CRLF2: variants seen among roughly 807,000 people sequenced by gnomAD.
The protein encoded by CRLF2 is cytokine receptor like factor 2, also known as cytokine receptor-like factor 2.
CRLF2 carries 41 observed loss-of-function variants against 38.7 expected under a neutral mutation model. That is an observed-to-expected ratio of 1.06 (90% confidence interval 0.83 to 1.37). The LOEUF (loss-of-function observed/expected upper bound fraction) is 1.37. Ranked by LOEUF, CRLF2 falls within the 40% of genes most tolerant of loss-of-function variation. The pLI, the probability that CRLF2 is intolerant of heterozygous loss-of-function variation, is 0.00. For synonymous variants in CRLF2, 140 were observed against 128.8 expected, an observed-to-expected ratio of 1.09 and a Z score of -0.59; for missense variants, 377 against 322.2, an observed-to-expected ratio of 1.17 and a Z score of -1.30.
intron 3 of CRLF2, among the ~76,000 whole-genome samples, chrX:1,204,869 G>C (rs1196879336): frequency 9.2e-4 from 117 of 126,720 alleles, no homozygotes; most frequent in Middle Eastern, 5.8e-3. Flanking sequence ...GCCCAGGCTG[G>C]AGTGCAGTGG....
In CRLF2 at chrX:1,192,517, G is replaced by C. The variant is rs1168761423; in HGVS notation, c.852+701C>G. Among the ~76,000 whole-genome samples the C allele has an allele frequency of 3.3e-5, 5 of 152,158 alleles. No homozygotes were observed. The South Asian group carries it at 8.3e-4, about 25-fold the overall frequency. ...TGTCATCCCAGCTACTCAGGAGGCT[G>C]AGGCAGGAGAATCATTTGACCCTGG... On this transcript the variant is annotated intron_variant, in intron 7 of 7. Transcript: ENST00000400841.
chrX:1,206,942 C>CTTTT (rs766628411), intron 2 of CRLF2, among the ~76,000 whole-genome samples: 2 of 115,664 alleles, frequency 1.7e-5, no homozygotes, highest in East Asian at 2.6e-4. Flanking sequence ...ACCACACCGG[C>CTTTT]TTTTTTTTTT....
In CRLF2 at chrX:1,192,183, C is replaced by A. The variant is rs1422500082; in HGVS notation, c.853-1023G>T. Among the ~76,000 whole-genome samples the A allele has an allele frequency of 5.3e-3, 672 of 126,316 alleles. 33 individuals are homozygous for A. The East Asian group carries it at 0.12, about 23-fold the overall frequency. The allele number at this position is 126,316 out of a possible 152,430, so 82.9% of individuals were successfully genotyped here. A position where few individuals can be genotyped will look rare whatever the true frequency, so the allele number is the denominator to read the frequency against. ...TCCCGCCACTGCACTCCAGCCTGGG[C>A]GACAGAGCGAGACTCCGTCTCAAAA... On this transcript the variant is annotated intron_variant, in intron 7 of 7. Transcript: ENST00000400841.
At chrX:1,197,696 C>G (rs770978686) in intron 5 of CRLF2, among the ~76,000 whole-genome samples, 2 of 151,966 alleles carry the variant, frequency 1.3e-5, no homozygotes, top group East Asian at 3.9e-4. Context: ...TGCCTGTAGT[C>G]CCAGCTACTT....
chrX:1,193,313 G>A lies in CRLF2; in HGVS notation c.768-11C>T. 2 of 398,728 alleles carry A rather than the reference G, an allele frequency of 5.0e-6. No homozygotes were observed. The highest frequency in any genetic ancestry group is 4.4e-6 in the Non-Finnish European group (1 of 226,262). The allele number at this position is 398,728 out of a possible 1,614,324, so 24.7% of individuals were successfully genotyped here. ...AGAAACTTCTTCACTCTGAAATAGA[G>A]ACGGAGAGCGTGGTCAGGTCGGCCA... On this transcript the variant is annotated splice_polypyrimidine_tract_variant and intron_variant, in intron 6 of 7. Coordinates refer to ENST00000400841, the MANE Select transcript of CRLF2 (RefSeq NM_022148.4).
At chrX:1,201,264 CTGTG>C (rs1351395320) in intron 4 of CRLF2, among the ~76,000 whole-genome samples, 1 of 141,140 alleles carries the variant, frequency 7.1e-6, no homozygotes, top group South Asian at 2.3e-4. Flanking sequence ...CAGCACATGA[CTGTG>C]TGTGTGTGCC....
chrX:1,207,048 C>A (rs1358980093), intron 2 of CRLF2, among the ~76,000 whole-genome samples: 1 of 149,994 alleles, frequency 6.7e-6, no homozygotes, highest in Non-Finnish European at 1.5e-5. Flanking sequence ...CGGGTTCAAG[C>A]GATTCTCCTG....
chrX:1,201,882 T>C (rs2086614944), intron 4 of CRLF2, among the ~76,000 whole-genome samples: 1 of 151,428 alleles, frequency 6.6e-6, no homozygotes, highest in Middle Eastern at 3.5e-3. Context: ...CATACATAGA[T>C]AGATAAAAGA....
rs1246789675 is a variant in CRLF2 at position 1,193,111 on chromosome X, C to T, written c.852+107G>A. 193 of 395,696 alleles carry T rather than the reference C, an allele frequency of 4.9e-4. 2 individuals are homozygous for T. The highest frequency in any genetic ancestry group is 4.3e-4 in the Non-Finnish European group (96 of 224,330). 24.5% of individuals were successfully genotyped at this position (395,696 alleles called of 1,614,324 possible). A position where few individuals can be genotyped will look rare whatever the true frequency, so the allele number is the denominator to read the frequency against. On this transcript the variant is annotated intron_variant, in intron 7 of 7. Transcript: ENST00000400841. ...GACAGGCGTGAGCCACTGCGCCCGG[C>T]TGTTAATGTCATTCTCTAAAAAGGT...
chrX:1,191,941 T>G (rs1483379500), intron 7 of CRLF2, among the ~76,000 whole-genome samples: 3 of 151,606 alleles, frequency 2.0e-5, no homozygotes, highest in East Asian at 3.9e-4. Context: ...CGCAGTGGCT[T>G]ACACCTGTAA....
chrX:1,203,030 G>A (rs1411837923), intron 3 of CRLF2, among the ~76,000 whole-genome samples: 1 of 150,048 alleles, frequency 6.7e-6, no homozygotes, highest in African/African-American at 2.5e-5. Flanking sequence ...CCGGGGAGGC[G>A]GAGGTTGCGG....
chrX:1,195,288 G>A (rs1247587760), intron 6 of CRLF2, among the ~76,000 whole-genome samples: 10 of 152,062 alleles, frequency 6.6e-5, no homozygotes, highest in African/African-American at 9.7e-5. Context: ...ATATTGTTTC[G>A]TCTAGAACTC....
intron 6 of CRLF2, 145 bp downstream of exon 6, chrX:1,196,635 T>C (rs2086480675): frequency 9.1e-7 from 1 of 1,100,758 alleles, no homozygotes; most frequent in African/African-American, 1.6e-5. Flanking sequence ...CGAAATTTCT[T>C]ATAATCCACC....
intron 6 of CRLF2, among the ~76,000 whole-genome samples, chrX:1,195,986 T>TATATATAAATTAAA (rs2086468108): frequency 3.6e-5 from 5 of 138,800 alleles, no homozygotes; most frequent in Non-Finnish European, 4.6e-5. Flanking sequence ...ATATATATTT[T>TATATATAAATTAAA]TATATATTTA....
chrX:1,206,519 G>A lies in CRLF2; in HGVS notation c.263C>T (p.Ala88Val). Residue 88 changes from alanine (A) to valine (V), a missense_variant, in exon 3 of 8, where the codon GCA becomes GTA. By Grantham distance (64) the Ala-to-Val change is moderately conservative. Transcript: ENST00000400841. ...ATAGAGAATGTCGTCTCGCTGCTCT[G>A]CGTCTAGGAGGCACCCCGAAGTGTG... ...EGHTSGCLLD[A>V]EQRDDILYFS... 1 of 1,613,544 alleles carries A rather than the reference G, an allele frequency of 6.2e-7. No individual in the cohort carries two copies. The highest frequency in any genetic ancestry group is 8.5e-7 in the Non-Finnish European group (1 of 1,179,536).
intron 3 of CRLF2, 48 bp downstream of exon 3, chrX:1,206,385 C>T: frequency 6.5e-7 from 1 of 1,547,998 alleles, no homozygotes; most frequent in Non-Finnish European, 8.9e-7. Context: ...TGGTAATAAG[C>T]TGAAGGAAGT....
intron 3 of CRLF2, among the ~76,000 whole-genome samples, chrX:1,203,853 C>T (rs2086648693): frequency 6.6e-6 from 1 of 152,024 alleles, no homozygotes; most frequent in Non-Finnish European, 1.5e-5. Flanking sequence ...AGTAATTTCG[C>T]GAATAAAGAG....
At chrX:1,198,884 C>T (rs1198589984) in intron 4 of CRLF2, 160 bp from the exon 5 acceptor site, 1 of 738,430 alleles carries the variant, frequency 1.4e-6, no homozygotes, top group Non-Finnish European at 2.3e-6. Flanking sequence ...CACAGTGGCT[C>T]ACTCCTGTAA....
chrX:1,205,356 A>G (rs1476250904), intron 3 of CRLF2, among the ~76,000 whole-genome samples: 2 of 152,208 alleles, frequency 1.3e-5, no homozygotes, highest in Non-Finnish European at 2.9e-5. Flanking sequence ...AGGGGTACTG[A>G]AAAGTGTGCT....
Sources: gnomAD v4.1 joint callset for allele counts (sites outside exome capture counted in the v4.1 genomes callset) on GRCh38, gnomAD v4.1.1 for gene constraint, MANE v1.5 for transcripts, NCBI Gene and HGNC (gene_info 2026-07-23, HGNC 2026-07-21) for gene names.